The following ERMP1 variants were observed in gnomAD, a reference collection of about 807,000 sequenced individuals.
The protein encoded by ERMP1 is endoplasmic reticulum metallopeptidase 1, also known as Felix-ina.
In ERMP1, 86 loss-of-function variants were observed where a neutral mutation model predicts 92.0. That is an observed-to-expected ratio of 0.93 (90% CI 0.79 to 1.12). The LOEUF (loss-of-function observed/expected upper bound fraction) is 1.12. Ranked by LOEUF, ERMP1 falls within the 50% of genes most tolerant of loss-of-function variation. The pLI is 0.00. For synonymous variants in ERMP1, 530 were observed against 412.8 expected (o/e 1.28, Z -3.44); for missense variants, 1,342 against 1,116.3 (o/e 1.20, Z -2.88).
intron 4 of ERMP1, among the ~76,000 whole-genome samples, chr9:5,813,899 T>G (rs1245307777): frequency 6.7e-6 from 1 of 148,656 alleles, no homozygotes; most frequent in Admixed American, 6.7e-5. Context: ...TAATTATAAT[T>G]ATATAATTAT....
At chr9:5,837,251 C>T (rs1369917128), upstream of ERMP1, among the ~76,000 whole-genome samples, 2 of 152,132 alleles carry the variant, frequency 1.3e-5, no homozygotes, top group Non-Finnish European at 2.9e-5. Flanking sequence ...TCCCAAGTAA[C>T]TGGTACTATA....
chr9:5,858,860 C>A (rs1247541242), intron 6 of ERMP1, among the ~76,000 whole-genome samples: 1 of 152,190 alleles, frequency 6.6e-6, no homozygotes. Flanking sequence ...ATAGCATAAC[C>A]TAATTCTCTA....
intron 8 of ERMP1, among the ~76,000 whole-genome samples, chr9:5,807,757 C>A (rs911740796): frequency 9.5e-4 from 141 of 148,654 alleles, no homozygotes; most frequent in Non-Finnish European, 1.7e-3. Flanking sequence ...ACAACAACAA[C>A]AAAAAAAAAA....
At chr9:5,840,293 G>C (rs1016903102) in intron 6 of ERMP1, among the ~76,000 whole-genome samples, 2 of 152,118 alleles carry the variant, frequency 1.3e-5, no homozygotes, top group East Asian at 1.9e-4. Flanking sequence ...GGGAGGAAGG[G>C]AGGAAGGTTG....
intron 10 of ERMP1, among the ~76,000 whole-genome samples, chr9:5,803,831 T>G (rs891648392): frequency 6.6e-6 from 1 of 152,202 alleles, no homozygotes; most frequent in African/African-American, 2.4e-5. Context: ...TATCCTTATA[T>G]TATCCTTAAT....
At chr9:5,865,078 T>C (rs541202369) in intron 5 of ERMP1, among the ~76,000 whole-genome samples, 6 of 152,320 alleles carry the variant, frequency 3.9e-5, no homozygotes, top group African/African-American at 1.2e-4. Flanking sequence ...TATGGTACAA[T>C]TGCTAGATTA....
intron 2 of ERMP1, among the ~76,000 whole-genome samples, chr9:5,826,422 A>AC (rs1829734084): frequency 1.3e-5 from 2 of 152,172 alleles, no homozygotes; most frequent in South Asian, 4.1e-4. Flanking sequence ...AATGATACCT[A>AC]CCTCACAGGT....
chr9:5,841,897 T>C (rs145852876), intron 6 of ERMP1, among the ~76,000 whole-genome samples: 1 of 151,868 alleles, frequency 6.6e-6, no homozygotes, highest in Non-Finnish European at 1.5e-5. Flanking sequence ...GTGGTCTCAC[T>C]TGACTTCAGG....
At chr9:5,844,639 G>A (rs149788218) in intron 6 of ERMP1, among the ~76,000 whole-genome samples, 56 of 152,286 alleles carry the variant, frequency 3.7e-4, no homozygotes, top group African/African-American at 1.2e-3. Flanking sequence ...TCACCTTTGC[G>A]GAGAACTGTC....
chr9:5,866,515 C>T (rs1408638726), intron 5 of ERMP1, among the ~76,000 whole-genome samples: 2 of 152,116 alleles, frequency 1.3e-5, no homozygotes, highest in Non-Finnish European at 2.9e-5. Flanking sequence ...TCACTTGATG[C>T]TTTTGAAATC....
chr9:5,787,437 T>TCTATC lies in ERMP1; in HGVS notation c.2538_2542dup (p.Glu848GlyfsTer2), dbSNP rs780092149. On this transcript the variant is annotated stop_gained and frameshift_variant, in exon 14 of 15. Coordinates refer to ENST00000339450, the MANE Select transcript of ERMP1 (RefSeq NM_024896.3). LOFTEE classifies it high-confidence loss of function. ...ATGCTGGGAAATTGGCACCTGCACT[T>TCTATC]CTATCCAGAACTGCCATGCAGAGGC... The TCTATC allele has an allele frequency of 6.2e-7, 1 of 1,612,390 alleles. No homozygotes were observed. The highest frequency in any genetic ancestry group is 8.5e-7 in the Non-Finnish European group (1 of 1,179,550).
At chr9:5,819,248 G>A (rs1028734782) in intron 4 of ERMP1, among the ~76,000 whole-genome samples, 5 of 152,070 alleles carry the variant, frequency 3.3e-5, no homozygotes, top group Non-Finnish European at 7.4e-5. Context: ...AAAAAATGAA[G>A]TACTAATACA....
In ERMP1 at chr9:5,861,170, G is replaced by GTGTGTGT. The variant is rs1554630171; in HGVS notation, n.3056-1560_3056-1559insACACACA. Among the ~76,000 whole-genome samples, 248 of 102,132 alleles carry GTGTGTGT rather than the reference G, an allele frequency of 2.4e-3. 1 individual carries two copies. Among genetic ancestry groups the GTGTGTGT allele is most frequent in the East Asian group, 0.013 (29 of 2,270 alleles). 67.0% of individuals were successfully genotyped at this position (102,132 alleles called of 152,430 possible). On this transcript the variant is annotated intron_variant and non_coding_transcript_variant, in intron 5 of 6. Transcript: ENST00000690753. ...GCAGTGAACCCACAATGGCTTAGGG[G>GTGTGTGT]GTGTGTGTGTGTGTGTGTGTGTGTG... is the stretch of plus-strand genomic sequence containing the variant.
Position 5,823,978 on chromosome 9 carries a change from C to T in ERMP1, c.792G>A (p.Gln264=). ...VLQASHGFIT[Q]HPWASLIRAF... ...CACGAATCAAGCTAGCCCAGGGGTGCTGAGTAATGAAACCATGACTGGCCT... is the reference window on the plus strand; with the variant it reads ...CACGAATCAAGCTAGCCCAGGGGTGTTGAGTAATGAAACCATGACTGGCCT... The change falls in exon 4 of 15, where the codon CAG becomes CAA. Residue 264 remains glutamine (Q), a synonymous_variant. Transcript: ENST00000339450. 1 of 1,613,872 alleles carries T rather than the reference C, an allele frequency of 6.2e-7. No individual in the cohort carries two copies. The highest frequency in any genetic ancestry group is 8.5e-7 in the Non-Finnish European group (1 of 1,179,830).
At chr9:5,811,901 C>G (rs1423836461) in intron 6 of ERMP1, among the ~76,000 whole-genome samples, 1 of 152,118 alleles carries the variant, frequency 6.6e-6, no homozygotes, top group Non-Finnish European at 1.5e-5. Flanking sequence ...AACCCTGGGC[C>G]AACTCCTTTT....
intron 4 of ERMP1, among the ~76,000 whole-genome samples, chr9:5,822,892 A>G (rs979793871): frequency 6.6e-6 from 1 of 152,232 alleles, no homozygotes; most frequent in African/African-American, 2.4e-5. Context: ...GAGCAGTAGG[A>G]TATAAATAAC....
chr9:5,807,383 T>TTA (rs1479445382), intron 8 of ERMP1, among the ~76,000 whole-genome samples: 1 of 152,200 alleles, frequency 6.6e-6, no homozygotes, highest in Admixed American at 6.5e-5. Flanking sequence ...CAGATGCATT[T>TTA]TATACATTCC....
In ERMP1 at chr9:5,845,762, G is replaced by A. The variant is rs1038791033; in HGVS notation, n.3200-12450C>T. Reference sequence around the variant, plus strand: ...GTCAACTCTTGCCTCAGGAGAGCACGCCTTGCTAAGGGCTCTTTGGGTATT... The same window carrying A: ...GTCAACTCTTGCCTCAGGAGAGCACACCTTGCTAAGGGCTCTTTGGGTATT... On this transcript the variant is annotated intron_variant and non_coding_transcript_variant, in intron 6 of 6. Transcript: ENST00000690753. Among the ~76,000 whole-genome samples the A allele has an allele frequency of 1.4e-4, 21 of 152,212 alleles. No homozygotes were observed. The South Asian group carries it at 2.1e-3, about 15-fold the overall frequency.
intron 2 of ERMP1, among the ~76,000 whole-genome samples, chr9:5,826,297 A>C (rs960074623): frequency 6.6e-6 from 1 of 152,240 alleles, no homozygotes; most frequent in Non-Finnish European, 1.5e-5. Context: ...CTGGGTTTAC[A>C]CATTTGAAGC....
Sources: allele counts gnomAD v4.1 joint callset (sites outside exome capture counted in the v4.1 genomes callset), GRCh38; gene constraint gnomAD v4.1.1; transcripts MANE v1.5; gene names NCBI Gene and HGNC (gene_info 2026-07-23, HGNC 2026-07-21).